The following FARP1 variants were observed in gnomAD, a reference collection of about 807,000 sequenced individuals.
The protein encoded by FARP1 is FERM, ARHGEF and pleckstrin domain-containing protein 1.
Under a neutral mutation model 128.8 loss-of-function variants are expected in FARP1, and 52 were observed. That is an observed-to-expected ratio of 0.40 (90% CI 0.32 to 0.51). FARP1 has a LOEUF of 0.51. Ranked by LOEUF, FARP1 falls within the 20% of genes least tolerant of loss-of-function variation. The pLI is 0.45. For missense variants in FARP1, 1,333 were observed against 1,367.9 expected (o/e 0.97, Z 0.40); for synonymous variants, 580 against 551.8 (o/e 1.05, Z -0.72).
intron 2 of FARP1, among the ~76,000 whole-genome samples, chr13:98,268,071 C>G (rs935911105): frequency 1.3e-5 from 2 of 152,178 alleles, no homozygotes; most frequent in African/African-American, 4.8e-5. Flanking sequence ...CGCTGCAGAA[C>G]GGAAACTCTG....
chr13:98,180,524 T>G (rs1447245184), intron 1 of FARP1, among the ~76,000 whole-genome samples: 3 of 152,218 alleles, frequency 2.0e-5, no homozygotes, highest in African/African-American at 7.2e-5. Flanking sequence ...CTGTTTCCAG[T>G]GATACTTGAT....
chr13:98,307,617 T>C (rs1886225619), intron 2 of FARP1, among the ~76,000 whole-genome samples: 1 of 152,114 alleles, frequency 6.6e-6, no homozygotes. Flanking sequence ...TCCCTCCTTC[T>C]CCCGAGGCCA....
At chr13:98,169,623 A>G (rs1328882368) in intron 1 of FARP1, among the ~76,000 whole-genome samples, 2 of 152,220 alleles carry the variant, frequency 1.3e-5, no homozygotes, top group African/African-American at 4.8e-5. Flanking sequence ...TAATTTTACT[A>G]CATACAGAGT....
chr13:98,156,459 A>C (rs1247843391), intron 1 of FARP1, among the ~76,000 whole-genome samples: 1 of 152,196 alleles, frequency 6.6e-6, no homozygotes, highest in Non-Finnish European at 1.5e-5. Flanking sequence ...CCCAGGCTGG[A>C]GTGCAGTGGC....
At position 98,439,025 on chromosome 13, in the gene FARP1, G is replaced by A. The variant is rs1262829138; in HGVS notation, c.2344-82G>A. The A allele has an allele frequency of 4.3e-6, 6 of 1,388,750 alleles. No individual in the cohort carries two copies. The East Asian group carries it at 1.1e-4, about 26-fold the overall frequency. The allele number at this position is 1,388,750 out of a possible 1,614,324, so 86.0% of individuals were successfully genotyped here. Reference sequence around the variant, plus strand: ...GCCCAAGTTGTTGAGGACAGTGAAGGCACAGTTGAGGACAGGGAATGCTGG... The same window carrying A: ...GCCCAAGTTGTTGAGGACAGTGAAGACACAGTTGAGGACAGGGAATGCTGG... On this transcript the variant is annotated intron_variant, in intron 20 of 26. Coordinates refer to ENST00000319562, the MANE Select transcript of FARP1 (RefSeq NM_005766.4).
intron 21 of FARP1, 58 bp from the exon 22 acceptor site, chr13:98,439,903 G>A (rs1594541147): frequency 7.9e-7 from 1 of 1,258,516 alleles, no homozygotes; most frequent in Non-Finnish European, 1.1e-6. Context: ...TGCCAGCTCA[G>A]GGATGTTTGG....
intron 13 of FARP1, chr13:98,407,422 A>G (rs1383478820): frequency 6.6e-6 from 1 of 152,072 alleles, no homozygotes; most frequent in East Asian, 1.9e-4. Context: ...TCTGTTTGAC[A>G]CGTTCCACTT....
At chr13:98,402,287 C>G (rs548072723) in intron 13 of FARP1, 6 of 152,254 alleles carry the variant, frequency 3.9e-5, no homozygotes, top group African/African-American at 1.4e-4. Flanking sequence ...AAGGAGGGAG[C>G]GAGGACTACC....
intron 1 of FARP1, among the ~76,000 whole-genome samples, chr13:98,205,293 T>G (rs1880197624): frequency 6.6e-6 from 1 of 152,178 alleles, no homozygotes; most frequent in African/African-American, 2.4e-5. Flanking sequence ...GAATTATGCC[T>G]TAAGCTTTTT....
intron 26 of FARP1, 37 bp from the exon 27 acceptor site, chr13:98,448,199 A>T (rs1490103156): frequency 2.8e-5 from 45 of 1,579,074 alleles, no homozygotes; most frequent in Non-Finnish European, 3.9e-5. Context: ...AGTCCGTCCA[A>T]ACAAAAGGTT....
Position 98,373,533 on chromosome 13 carries a change from GACACACACACACACACACAC to G in FARP1, c.399-4258_399-4239del, listed in dbSNP as rs58658962. 1.4e-4 allele frequency among the ~76,000 whole-genome samples: 19 copies of G among 131,070 alleles called. No individual in the cohort carries two copies. In the East Asian group the frequency reaches 2.0e-3, roughly 14 times the overall value. 86.0% of individuals were successfully genotyped at this position (131,070 alleles called of 152,430 possible). A position where few individuals can be genotyped will look rare whatever the true frequency, so the allele number is the denominator to read the frequency against. On this transcript the variant is annotated intron_variant, in intron 5 of 26. Coordinates refer to ENST00000319562, the MANE Select transcript of FARP1 (RefSeq NM_005766.4). ...TTGACTTTCCAGAGACAGACAGACA[GACACACACACACACACACAC>G]ACACACACACACACACACACACACA...
At chr13:98,359,753 G>A (rs187835103) in intron 3 of FARP1, among the ~76,000 whole-genome samples, 1 of 152,376 alleles carries the variant, frequency 6.6e-6, no homozygotes, top group East Asian at 1.9e-4. Flanking sequence ...GCAGTAGGCT[G>A]TACCTGGCCT....
chr13:98,292,863 G>T (rs1463839256), intron 2 of FARP1, among the ~76,000 whole-genome samples: 1 of 152,078 alleles, frequency 6.6e-6, no homozygotes, highest in African/African-American at 2.4e-5. Context: ...TATCCTGCTG[G>T]TAACTCTGGT....
At chr13:98,280,474 G>A (rs1594354302) in intron 2 of FARP1, among the ~76,000 whole-genome samples, 1 of 152,176 alleles carries the variant, frequency 6.6e-6, no homozygotes, top group South Asian at 2.1e-4. Context: ...TCCTTCCCAT[G>A]TGCTCCCCGC....
intron 2 of FARP1, among the ~76,000 whole-genome samples, chr13:98,293,789 C>T (rs1227179408): frequency 1.3e-5 from 2 of 152,134 alleles, no homozygotes; most frequent in African/African-American, 4.8e-5. Context: ...GGAGAGGGTG[C>T]GGCCTCCTGC....
chr13:98,337,904 T>C (rs2139853566), intron 2 of FARP1, among the ~76,000 whole-genome samples: 1 of 152,326 alleles, frequency 6.6e-6, no homozygotes, highest in Non-Finnish European at 1.5e-5. Flanking sequence ...TTAGCAATTA[T>C]TTAGTGCATA....
At chr13:98,285,592 A>G (rs1054530527) in intron 2 of FARP1, among the ~76,000 whole-genome samples, 4 of 152,316 alleles carry the variant, frequency 2.6e-5, no homozygotes, top group African/African-American at 7.2e-5. Context: ...AATGAAAAGA[A>G]TCATCATCAG....
chr13:98,241,079 G>C (rs1882743987), intron 2 of FARP1, among the ~76,000 whole-genome samples: 1 of 152,226 alleles, frequency 6.6e-6, no homozygotes, highest in Non-Finnish European at 1.5e-5. Context: ...TGTAGACAGT[G>C]GGCAAACTTA....
At chr13:98,351,631 G>GA (rs1297275212) in intron 3 of FARP1, among the ~76,000 whole-genome samples, 1 of 149,798 alleles carries the variant, frequency 6.7e-6, no homozygotes, top group Non-Finnish European at 1.5e-5. Context: ...AAAAAAGAAA[G>GA]AAAAAAAGAA....
Sources: allele counts gnomAD v4.1 joint callset (sites outside exome capture counted in the v4.1 genomes callset), GRCh38; gene constraint gnomAD v4.1.1; transcripts MANE v1.5; gene names NCBI Gene and HGNC (gene_info 2026-07-23, HGNC 2026-07-21).